Variants in HPS3 observed in about 807,000 individuals in gnomAD.
The protein encoded by HPS3 is HPS3 biogenesis of lysosomal organelles complex 2 subunit 1.
In HPS3, 79 loss-of-function variants were observed where a neutral mutation model predicts 110.9. The observed-to-expected ratio is 0.71, with a 90% confidence interval of 0.59 to 0.86. HPS3 has a LOEUF of 0.86. HPS3 is among the 40% of genes least tolerant of loss of function. The pLI is 0.00. For synonymous variants in HPS3, 428 were observed against 451.0 expected (o/e 0.95, Z 0.65); for missense variants, 1,197 against 1,206.2 (o/e 0.99, Z 0.11).
In HPS3 at chr3:149,172,318, T is replaced by TCACACACACACACACACACACACACACA. The variant is rs113015797; in HGVS notation, c.*107_*134dup. 1 of 532,656 alleles carries TCACACACACACACACACACACACACACA rather than the reference T, an allele frequency of 1.9e-6. No homozygotes were observed. Among genetic ancestry groups the TCACACACACACACACACACACACACACA allele is most frequent in the African/African-American group, 2.1e-5 (1 of 48,322 alleles). 33.0% of individuals were successfully genotyped at this position (532,656 alleles called of 1,614,324 possible). A position where few individuals can be genotyped will look rare whatever the true frequency, so the allele number is the denominator to read the frequency against. ...GTAGAGGAGTTTTTTATTTTATATA[T>TCACACACACACACACACACACACACACA]CACACACACACACACACACACACAC... On this transcript the variant is annotated 3_prime_UTR_variant, in exon 17 of 17. Coordinates refer to ENST00000296051, the MANE Select transcript of HPS3 (RefSeq NM_032383.5).
In HPS3 at chr3:149,150,630, AGT is replaced by A; in HGVS notation, c.1197_1198del (p.Ala400GlyfsTer5). ...CCTGCAGTGTTTCACTGTGCGGTGC[AGT>A]GCGGCGGCAGCTCGTGAGGAGGACC... is the stretch of plus-strand genomic sequence containing the variant. ...NNLQCFTVRC[S>X]AAAAREEDPY... On this transcript the variant is annotated frameshift_variant, in exon 6 of 17. Coordinates refer to ENST00000296051, the MANE Select transcript of HPS3 (RefSeq NM_032383.5). LOFTEE classifies it high-confidence loss of function. 1 of 1,614,108 alleles carries A rather than the reference AGT, an allele frequency of 6.2e-7. No individual in the cohort carries two copies. The highest frequency in any genetic ancestry group is 8.5e-7 in the Non-Finnish European group (1 of 1,179,984).
Position 149,155,194 on chromosome 3 carries a change from A to T in HPS3, c.1488A>T (p.Pro496=). ...TGTATATTGTGAATACGATCTCACC[A>T]GTGCAGCTGTACAAAGAGATGGTAC... is the stretch of plus-strand genomic sequence containing the variant. ...WNLYIVNTIS[P]VQLYKEMVDY... is the part of the protein sequence containing the mutation. Residue 496 remains proline, a synonymous_variant, in exon 8 of 17, where the codon CCA becomes CCT. Transcript: ENST00000296051. 1 of 1,573,966 alleles carries T rather than the reference A, an allele frequency of 6.4e-7. No individual in the cohort carries two copies. Among genetic ancestry groups the T allele is most frequent in the South Asian group, 1.1e-5 (1 of 90,140 alleles).
intron 5 of HPS3, among the ~76,000 whole-genome samples, chr3:149,148,269 G>C (rs1722897412): frequency 6.6e-6 from 1 of 151,922 alleles, no homozygotes; most frequent in Admixed American, 6.6e-5. Context: ...TACGCCTAAA[G>C]AAAGCAATAG....
At chr3:149,151,473 C>T (rs922857929) in intron 6 of HPS3, among the ~76,000 whole-genome samples, 16 of 151,104 alleles carry the variant, frequency 1.1e-4, no homozygotes, top group African/African-American at 3.9e-4. Flanking sequence ...ATCAGCTATG[C>T]CTGTAATTCT....
intron 1 of HPS3, chr3:149,130,186 G>T: frequency 1.7e-6 from 1 of 572,282 alleles, no homozygotes; most frequent in Non-Finnish European, 3.1e-6. Flanking sequence ...TCTTCGTCTT[G>T]GTTTTCTGCA....
At chr3:149,148,442 G>A (rs1465599294) in intron 5 of HPS3, among the ~76,000 whole-genome samples, 13 of 124,522 alleles carry the variant, frequency 1.0e-4, no homozygotes, top group African/African-American at 2.2e-4. Context: ...TCGCTCTGTC[G>A]CCCAGGTTGG....
rs571411948 is a variant in HPS3 at position 149,138,593 on chromosome 3, T to C, written c.218-1411T>C. On this transcript the variant is annotated intron_variant, in intron 1 of 16. Transcript: ENST00000296051. ...TAGTATACTCTAAATAAAAAGGGTA[T>C]GGTAAAACATGCCATCAGCAAAGTC... is the stretch of plus-strand genomic sequence containing the variant. Among the ~76,000 whole-genome samples, 5 of 152,264 alleles carry C rather than the reference T, an allele frequency of 3.3e-5. No individual in the cohort carries two copies. The South Asian group carries it at 8.3e-4, about 25-fold the overall frequency.
chr3:149,140,506 A>G lies in HPS3; in HGVS notation c.712+8A>G. The stretch of plus-strand genomic sequence containing the variant: ...TAAGACGGACAGAAGAAGGTAAATA[A>G]TGAATTTGACTTGCTTTCTTGTTTT... On this transcript the variant is annotated splice_region_variant and intron_variant, in intron 2 of 16. Coordinates refer to ENST00000296051, the MANE Select transcript of HPS3 (RefSeq NM_032383.5). 3 of 1,614,046 alleles carry G rather than the reference A, an allele frequency of 1.9e-6. No homozygotes were observed. The highest frequency in any genetic ancestry group is 2.2e-5 in the East Asian group (1 of 44,876).
chr3:149,129,868 CAGG>C lies in HPS3; in HGVS notation c.148_150del (p.Glu50del). On this transcript the variant is annotated inframe_deletion, in exon 1 of 17. Coordinates refer to ENST00000296051, the MANE Select transcript of HPS3 (RefSeq NM_032383.5). ...GGTGGAGGCGTTCGCGGTGGCCGGCCAGGAGCTGTGCCAGCCGCGGTGCGCCTT... is the reference window on the plus strand; with the variant it reads ...GGTGGAGGCGTTCGCGGTGGCCGGCCAGCTGTGCCAGCCGCGGTGCGCCTT... 2 of 1,597,538 alleles carry C rather than the reference CAGG, an allele frequency of 1.3e-6. No individual in the cohort carries two copies. The highest frequency in any genetic ancestry group is 1.7e-6 in the Non-Finnish European group (2 of 1,176,796).
intron 7 of HPS3, 196 bp downstream of exon 7, chr3:149,153,844 A>T (rs1349582436): frequency 1.6e-6 from 1 of 609,780 alleles, no homozygotes; most frequent in Non-Finnish European, 2.9e-6. Flanking sequence ...GGAAACTTTT[A>T]GGAGAAAATG....
chr3:149,163,932 G>T lies in HPS3; in HGVS notation c.2572G>T (p.Asp858Tyr), dbSNP rs746506828. 1.3e-5 allele frequency: 20 copies of T among 1,519,624 alleles called. No individual in the cohort carries two copies. Among genetic ancestry groups the T allele is most frequent in the African/African-American group, 2.7e-5 (2 of 73,570 alleles). The allele number at this position is 1,519,624 out of a possible 1,614,324, so 94.1% of individuals were successfully genotyped here. A position where few individuals can be genotyped will look rare whatever the true frequency, so the allele number is the denominator to read the frequency against. Residue 858 changes from aspartate (D) to tyrosine (Y), a missense_variant, in exon 14 of 17, where the codon GAT (aspartate) becomes TAT (tyrosine). Asp to Tyr is a radical substitution (Grantham distance 160, BLOSUM62 -3). Transcript: ENST00000296051. ...TTTAGCTGATAAAAATTATACAGAA[G>T]ATCTTTCAAAATTACAGGTAAGTAA... ...DSLADKNYTE[D>Y]LSKLQSLICG...
chr3:149,140,904 G>T, intron 2 of HPS3, 113 bp from the exon 3 acceptor site: 1 of 985,394 alleles, frequency 1.0e-6, no homozygotes, highest in Non-Finnish European at 1.6e-6. Flanking sequence ...ACAGTGCCTT[G>T]TAAATGTGTG....
intron 5 of HPS3, among the ~76,000 whole-genome samples, chr3:149,146,784 G>A (rs1722801220): frequency 6.6e-6 from 1 of 152,222 alleles, no homozygotes; most frequent in Admixed American, 6.5e-5. Context: ...GTGTTGTGTA[G>A]TGATGTTCTT....
At chr3:149,150,463 T>G in intron 5 of HPS3, 136 bp from the exon 6 acceptor site, 9 of 720,892 alleles carry the variant, frequency 1.2e-5, no homozygotes, top group South Asian at 1.2e-4. Flanking sequence ...TGAGAAGAAG[T>G]TTAACTTGGC....
intron 4 of HPS3, among the ~76,000 whole-genome samples, chr3:149,142,696 G>A (rs754935682): frequency 1.3e-5 from 2 of 152,064 alleles, no homozygotes; most frequent in African/African-American, 4.8e-5. Context: ...TACCTACTAT[G>A]TTGAGCATTG....
intron 14 of HPS3, 53 bp from the exon 15 acceptor site, chr3:149,166,981 G>C: frequency 7.4e-7 from 1 of 1,352,054 alleles, no homozygotes; most frequent in Admixed American, 1.7e-5. Flanking sequence ...TGCATGTTGT[G>C]TTTTAGTTTT....
chr3:149,151,575 G>A (rs1289963688), intron 6 of HPS3, among the ~76,000 whole-genome samples: 1 of 109,340 alleles, frequency 9.1e-6, no homozygotes, highest in Admixed American at 1.2e-4. Flanking sequence ...GAGAAGTAAA[G>A]TGCTTGGTTT....
intron 6 of HPS3, among the ~76,000 whole-genome samples, chr3:149,151,199 TA>T (rs1553753131): frequency 6.2e-5 from 8 of 129,956 alleles, no homozygotes; most frequent in East Asian, 2.6e-4. Flanking sequence ...TTATTATTAT[TA>T]TTATTTTTTT....
intron 11 of HPS3, among the ~76,000 whole-genome samples, chr3:149,161,561 G>T (rs2108166504): frequency 7.0e-6 from 1 of 142,828 alleles, no homozygotes; most frequent in South Asian, 2.3e-4. Context: ...CCAGGCTGGA[G>T]TGCAGTGGCG....
Sources: allele counts gnomAD v4.1 joint callset (sites outside exome capture counted in the v4.1 genomes callset), GRCh38; gene constraint gnomAD v4.1.1; transcripts MANE v1.5; gene names NCBI Gene and HGNC (gene_info 2026-07-23, HGNC 2026-07-21).